The following CSMD1 variants were observed in gnomAD, a reference collection of about 807,000 sequenced individuals.
The protein encoded by CSMD1 is CUB and Sushi multiple domains 1.
A neutral mutation model predicts 417.5 loss-of-function variants in CSMD1; 213 were observed. The observed-to-expected ratio is 0.51, with a 90% CI of 0.46 to 0.57. The LOEUF is 0.57. Ranked by LOEUF, CSMD1 falls within the 20% of genes least tolerant of loss-of-function variation. The pLI is 0.00. For synonymous variants in CSMD1, 2,862 were observed against 1,736.8 expected, an observed-to-expected ratio of 1.65 and a Z score of -16.11; for missense variants, 6,923 against 4,529.7, an observed-to-expected ratio of 1.53 and a Z score of -15.17.
In CSMD1 at chr8:3,628,875, TAA is replaced by T. The variant is rs779384340; in HGVS notation, c.1010-12080_1010-12079del. Among the ~76,000 whole-genome samples the T allele has an allele frequency of 7.6e-3, 1,143 of 151,274 alleles. 12 individuals are homozygous for T. The highest frequency in any genetic ancestry group is 0.026 in the African/African-American group (1,088 of 41,172). ...GTAACCCAAATAATCTAAGTTTTTT[TAA>T]AAAGATTATTCAAAACGAAGACAGG... On this transcript the variant is annotated intron_variant, in intron 7 of 69. Coordinates refer to ENST00000635120, the MANE Select transcript of CSMD1 (RefSeq NM_033225.6).
intron 1 of CSMD1, among the ~76,000 whole-genome samples, chr8:4,668,551 G>T (rs1805096923): frequency 6.6e-6 from 1 of 151,358 alleles, no homozygotes; most frequent in Non-Finnish European, 1.5e-5. Flanking sequence ...CCTGGTTCAC[G>T]CCATTCTCCT....
At chr8:4,191,957 G>A (rs959114975) in intron 3 of CSMD1, among the ~76,000 whole-genome samples, 16 of 152,224 alleles carry the variant, frequency 1.1e-4, no homozygotes, top group South Asian at 6.2e-4. Context: ...GCACCCACAG[G>A]CAAAACACCC....
chr8:4,891,232 C>T (rs1270574159), intron 1 of CSMD1, among the ~76,000 whole-genome samples: 1 of 152,054 alleles, frequency 6.6e-6, no homozygotes, highest in Non-Finnish European at 1.5e-5. Context: ...AGGTAAAATT[C>T]TATGTGCAAA....
At chr8:3,538,890 T>A (rs1798318695) in intron 10 of CSMD1, among the ~76,000 whole-genome samples, 1 of 152,188 alleles carries the variant, frequency 6.6e-6, no homozygotes, top group African/African-American at 2.4e-5. Context: ...CTCCCACTCT[T>A]GCTTCACCTA....
intron 26 of CSMD1, among the ~76,000 whole-genome samples, chr8:3,249,358 G>A (rs1024717364): frequency 6.6e-6 from 1 of 152,118 alleles, no homozygotes; most frequent in Middle Eastern, 3.4e-3. Context: ...GAGGAGCTGC[G>A]ACTACAGGCG....
intron 3 of CSMD1, among the ~76,000 whole-genome samples, chr8:4,283,975 G>C (rs887219656): frequency 6.6e-6 from 1 of 152,162 alleles, no homozygotes; most frequent in East Asian, 1.9e-4. Context: ...GCTCACACTT[G>C]TAATCGTAGC....
chr8:3,725,417 G>A (rs1192421562), intron 6 of CSMD1, among the ~76,000 whole-genome samples: 1 of 152,160 alleles, frequency 6.6e-6, no homozygotes, highest in East Asian at 1.9e-4. Flanking sequence ...TTTTTTAAAA[G>A]GAAGCAGAGA....
At chr8:3,617,367 C>A (rs974291771) in intron 7 of CSMD1, among the ~76,000 whole-genome samples, 6 of 152,194 alleles carry the variant, frequency 3.9e-5, no homozygotes, top group Non-Finnish European at 8.8e-5. Context: ...TGCACCATCA[C>A]AGAATAATTT....
chr8:3,917,451 G>A (rs1968322), intron 5 of CSMD1, among the ~76,000 whole-genome samples: 33,337 of 151,814 alleles, frequency 0.22, 4,737 homozygotes, highest in African/African-American at 0.39. Flanking sequence ...GCTCATGCGC[G>A]CACAAATATG....
chr8:4,224,592 C>T (rs976662982), intron 3 of CSMD1, among the ~76,000 whole-genome samples: 5 of 152,118 alleles, frequency 3.3e-5, no homozygotes, highest in African/African-American at 1.2e-4. Flanking sequence ...TCCGGAGTTC[C>T]ACCACTTTGC....
chr8:3,936,672 G>T (rs1437112738), intron 5 of CSMD1, among the ~76,000 whole-genome samples: 1 of 152,282 alleles, frequency 6.6e-6, no homozygotes, highest in East Asian at 1.9e-4. Context: ...CTTTAACAAT[G>T]TACCTGGTCA....
At chr8:3,178,886 A>G (rs1821108526) in intron 37 of CSMD1, among the ~76,000 whole-genome samples, 1 of 152,110 alleles carries the variant, frequency 6.6e-6, no homozygotes, top group Non-Finnish European at 1.5e-5. Flanking sequence ...AACAGTCCTG[A>G]TACCATTTGA....
chr8:3,978,685 G>A (rs543539714), intron 5 of CSMD1, among the ~76,000 whole-genome samples: 31 of 152,068 alleles, frequency 2.0e-4, no homozygotes, highest in African/African-American at 6.0e-4. Context: ...TGCCCAACCC[G>A]GCTCTACTTA....
rs35672053 is a variant in CSMD1 at position 3,858,673 on chromosome 8, C to CT, written c.819-104632dup. 9.4e-4 allele frequency among the ~76,000 whole-genome samples: 141 copies of CT among 149,732 alleles called. 1 individual carries two copies. Among genetic ancestry groups the CT allele is most frequent in the African/African-American group, 2.0e-3 (82 of 41,122 alleles). On this transcript the variant is annotated intron_variant, in intron 5 of 69. Coordinates refer to ENST00000635120, the MANE Select transcript of CSMD1 (RefSeq NM_033225.6). ...AATGCTGTTATAATCTTCAGGAGAACTTTTTTTTTTTCTGTTCGTAATACC... is the reference window on the plus strand; with the variant it reads ...AATGCTGTTATAATCTTCAGGAGAACTTTTTTTTTTTTCTGTTCGTAATACC...
At chr8:4,155,350 T>G (rs1796776192) in intron 3 of CSMD1, among the ~76,000 whole-genome samples, 1 of 152,168 alleles carries the variant, frequency 6.6e-6, no homozygotes. Context: ...TCCCGCAGGG[T>G]AAACAGCCAC....
chr8:3,791,008 T>C (rs10103429), intron 5 of CSMD1, among the ~76,000 whole-genome samples: 85,766 of 152,074 alleles, frequency 0.56, 25,994 homozygotes, highest in Non-Finnish European at 0.68. Flanking sequence ...ATGCAACACC[T>C]TCAGGTTATA....
intron 1 of CSMD1, among the ~76,000 whole-genome samples, chr8:4,704,285 T>C (rs1271965470): frequency 6.6e-6 from 1 of 152,258 alleles, no homozygotes; most frequent in African/African-American, 2.4e-5. Context: ...CAGAGACTTT[T>C]ACTTATTTTA....
In CSMD1 at chr8:3,280,765, T is replaced by G. The variant is rs145791923; in HGVS notation, c.4153+3379A>C. On this transcript the variant is annotated intron_variant, in intron 26 of 69. Coordinates refer to ENST00000635120, the MANE Select transcript of CSMD1 (RefSeq NM_033225.6). ...TGTAGAAACTTTCATGGTGTCTTCA[T>G]GCTTATTTCTTACTAAACACTAATA... Among the ~76,000 whole-genome samples, 497 of 130,506 alleles carry G rather than the reference T, an allele frequency of 3.8e-3. 6 individuals are homozygous for G. Among genetic ancestry groups the G allele is most frequent in the African/African-American group, 0.014 (471 of 34,226 alleles). 85.6% of individuals were successfully genotyped at this position (130,506 alleles called of 152,430 possible).
chr8:3,883,732 C>G (rs897707178), intron 5 of CSMD1, among the ~76,000 whole-genome samples: 2 of 151,950 alleles, frequency 1.3e-5, no homozygotes, highest in African/African-American at 4.8e-5. Context: ...GAAAGTGATT[C>G]ATTGAAACAA....
Sources: gnomAD v4.1 joint callset for allele counts (sites outside exome capture counted in the v4.1 genomes callset) on GRCh38, gnomAD v4.1.1 for gene constraint, MANE v1.5 for transcripts, NCBI Gene and HGNC (gene_info 2026-07-23, HGNC 2026-07-21) for gene names.